The following ATF7IP2 variants were observed in gnomAD, a reference collection of about 807,000 sequenced individuals.
ATF7IP2 encodes the protein activating transcription factor 7-interacting protein 2.
Under a neutral mutation model 64.2 loss-of-function variants are expected in ATF7IP2, and 42 were observed. The ratio of observed to expected loss-of-function variants is 0.65; its 90% CI spans 0.51 to 0.85. ATF7IP2 has a LOEUF of 0.85. Among genes scored for constraint, ATF7IP2 ranks in the 40% least tolerant of loss-of-function variants. The probability of loss-of-function intolerance (pLI) is 0.00; values close to 1 mark genes in which losing one functional copy is unlikely to be tolerated. For synonymous variants in ATF7IP2, 308 were observed against 272.8 expected, an observed-to-expected ratio of 1.13 and a Z score of -1.27; for missense variants, 933 against 784.2, an observed-to-expected ratio of 1.19 and a Z score of -2.27.
intron 3 of ATF7IP2, among the ~76,000 whole-genome samples, chr16:10,425,818 G>T (rs968631987): frequency 6.6e-6 from 1 of 152,004 alleles, no homozygotes; most frequent in African/African-American, 2.4e-5. Context: ...ACTTGAACCT[G>T]GGAGGCAGAG....
At chr16:10,450,070 T>C (rs779107084) in intron 8 of ATF7IP2, among the ~76,000 whole-genome samples, 28 of 152,194 alleles carry the variant, frequency 1.8e-4, no homozygotes, top group Non-Finnish European at 2.5e-4. Flanking sequence ...CTTAATTTTG[T>C]TATTTATCCA....
intron 10 of ATF7IP2, among the ~76,000 whole-genome samples, chr16:10,473,061 T>C (rs928686509): frequency 1.3e-5 from 2 of 152,186 alleles, no homozygotes; most frequent in African/African-American, 4.8e-5. Context: ...CAATTTGGGC[T>C]AAGATTGTGA....
chr16:10,436,449 A>C (rs2048422444), intron 6 of ATF7IP2, among the ~76,000 whole-genome samples: 1 of 152,026 alleles, frequency 6.6e-6, no homozygotes, highest in Non-Finnish European at 1.5e-5. Flanking sequence ...TTTAAAAGTT[A>C]TGAAAGTAAA....
At chr16:10,418,332 C>A (rs1378174259) in intron 2 of ATF7IP2, among the ~76,000 whole-genome samples, 1 of 152,226 alleles carries the variant, frequency 6.6e-6, no homozygotes, top group East Asian at 1.9e-4. Context: ...ATAGCTATCA[C>A]AAGCATGTCA....
chr16:10,479,957 ACTTTTTTTTTTTTTTTTTT>A (rs2050155804), intron 12 of ATF7IP2, among the ~76,000 whole-genome samples: 1 of 104,390 alleles, frequency 9.6e-6, no homozygotes. Context: ...AACTGGAAAT[ACTTTTTTTTTTTTTTTTTT>A]TTTTTTTTTT....
rs190791048 is a variant in ATF7IP2 at position 10,414,179 on chromosome 16, C to T, written c.-241-395C>T. ...TTGACTATTCTCCCAAATACGTTTT[C>T]TAAACTTTTCGCTTTCTCTTCTTCC... On this transcript the variant is annotated intron_variant, in intron 1 of 13. Transcript: ENST00000562102. Among the ~76,000 whole-genome samples the T allele has an allele frequency of 1.6e-3, 246 of 152,264 alleles. 2 individuals carry two copies. The highest frequency in any genetic ancestry group is 3.4e-3 in the Middle Eastern group (1 of 294).
chr16:10,446,208 T>C (rs2048799118), intron 8 of ATF7IP2: 2 of 152,202 alleles, frequency 1.3e-5, no homozygotes, highest in African/African-American at 4.8e-5. Flanking sequence ...TTTTGTATGG[T>C]AATTAATTAA....
intron 3 of ATF7IP2, among the ~76,000 whole-genome samples, chr16:10,421,761 A>G (rs761136383): frequency 2.6e-5 from 4 of 152,244 alleles, no homozygotes; most frequent in East Asian, 1.9e-4. Context: ...ATTTTTTACG[A>G]GTAGATTCAA....
Position 10,482,495 on chromosome 16 carries a change from G to A in ATF7IP2, c.*246G>A. The stretch of plus-strand genomic sequence containing the variant: ...TTGGCCCATGTTGCTGAGGTGCATT[G>A]TGAACAATACCTTTAGTGACTGTGG... On this transcript the variant is annotated 3_prime_UTR_variant, in exon 14 of 14. Transcript: ENST00000562102. 1 of 329,234 alleles carries A rather than the reference G, an allele frequency of 3.0e-6. No homozygotes were observed. The highest frequency in any genetic ancestry group is 5.5e-6 in the Non-Finnish European group (1 of 180,978). The allele number at this position is 329,234 out of a possible 1,614,324, so 20.4% of individuals were successfully genotyped here. A position where few individuals can be genotyped will look rare whatever the true frequency, so the allele number is the denominator to read the frequency against.
At chr16:10,470,801 GTA>G (rs111732771) in intron 9 of ATF7IP2, among the ~76,000 whole-genome samples, 12 of 144,870 alleles carry the variant, frequency 8.3e-5, no homozygotes, top group East Asian at 2.0e-4. Flanking sequence ...ATATATATAT[GTA>G]TATATATATA....
At chr16:10,424,686 T>C (rs13338490) in intron 3 of ATF7IP2, among the ~76,000 whole-genome samples, 6,361 of 152,226 alleles carry the variant, frequency 0.042, 476 homozygotes, top group African/African-American at 0.15. Flanking sequence ...AGAATCTGCA[T>C]AGACATTTAT....
chr16:10,411,896 A>T (rs1596459135), intron 1 of ATF7IP2, among the ~76,000 whole-genome samples: 1 of 130,696 alleles, frequency 7.7e-6, no homozygotes, highest in African/African-American at 2.9e-5. Flanking sequence ...TTTCTAGTTG[A>T]GCTTATTTGT....
intron 8 of ATF7IP2, among the ~76,000 whole-genome samples, chr16:10,452,481 C>T (rs1211266750): frequency 6.6e-6 from 1 of 152,226 alleles, no homozygotes; most frequent in Admixed American, 6.5e-5. Flanking sequence ...CTGGAAGCTT[C>T]ATCCCAGAGG....
At chr16:10,396,781 C>G (rs891087442) in intron 1 of ATF7IP2, among the ~76,000 whole-genome samples, 1 of 151,460 alleles carries the variant, frequency 6.6e-6, no homozygotes. Flanking sequence ...GTCCCAGTAG[C>G]TGGGACAAGA....
intron 9 of ATF7IP2, 32 bp downstream of exon 9, chr16:10,457,561 T>G: frequency 6.9e-7 from 1 of 1,456,264 alleles, no homozygotes. Context: ...CATAAATTTA[T>G]CTAAATCTAT....
chr16:10,429,241 TATA>T (rs1331033107), intron 4 of ATF7IP2, among the ~76,000 whole-genome samples: 18 of 152,374 alleles, frequency 1.2e-4, no homozygotes, highest in African/African-American at 3.4e-4. Flanking sequence ...GAGACAATCA[TATA>T]ATACACAGTC....
intron 1 of ATF7IP2, among the ~76,000 whole-genome samples, chr16:10,392,734 A>G (rs1042467778): frequency 6.6e-6 from 1 of 152,098 alleles, no homozygotes; most frequent in African/African-American, 2.4e-5. Context: ...AAATTGTCTA[A>G]TGTCAGCACT....
At chr16:10,441,355 T>C (rs1168658877) in intron 8 of ATF7IP2, among the ~76,000 whole-genome samples, 1 of 152,174 alleles carries the variant, frequency 6.6e-6, no homozygotes, top group Non-Finnish European at 1.5e-5. Context: ...TTGAACTAAT[T>C]TACACTTTCA....
At chr16:10,467,456 C>CT (rs2049618938) in intron 9 of ATF7IP2, among the ~76,000 whole-genome samples, 1 of 151,870 alleles carries the variant, frequency 6.6e-6, no homozygotes, top group Non-Finnish European at 1.5e-5. Context: ...TACAGATTAG[C>CT]AATGAAAAAT....
Sources: allele counts gnomAD v4.1 joint callset (sites outside exome capture counted in the v4.1 genomes callset), GRCh38; gene constraint gnomAD v4.1.1; transcripts MANE v1.5; gene names NCBI Gene and HGNC (gene_info 2026-07-23, HGNC 2026-07-21).